The following NCAM2 variants were observed in gnomAD, a reference collection of about 807,000 sequenced individuals.
NCAM2 encodes neural cell adhesion molecule 2.
Under a neutral mutation model 98.1 loss-of-function variants are expected in NCAM2, and 30 were observed. That is an observed-to-expected ratio of 0.31 (90% CI 0.23 to 0.41). The LOEUF is 0.41. Ranked by LOEUF, NCAM2 falls within the 10% of genes least tolerant of loss-of-function variation. The probability of loss-of-function intolerance (pLI) is 1.00; values close to 1 mark genes in which losing one functional copy is unlikely to be tolerated. For synonymous variants in NCAM2, 368 were observed against 342.4 expected, an observed-to-expected ratio of 1.07 and a Z score of -0.83; for missense variants, 867 against 1,005.8, an observed-to-expected ratio of 0.86 and a Z score of 1.87.
intron 1 of NCAM2, among the ~76,000 whole-genome samples, chr21:21,253,866 CAG>C (rs1438578416): frequency 6.6e-6 from 1 of 152,138 alleles, no homozygotes; most frequent in Non-Finnish European, 1.5e-5. Context: ...ATTTCAGACA[CAG>C]AATTACTAGT....
chr21:21,391,571 C>A (rs1026073628), intron 9 of NCAM2, among the ~76,000 whole-genome samples: 3 of 152,106 alleles, frequency 2.0e-5, no homozygotes, highest in Admixed American at 2.0e-4. Flanking sequence ...TTAAAACATA[C>A]ATGACTAATT....
Position 21,419,347 on chromosome 21 carries a change from G to GT in NCAM2, c.1480+788dup, listed in dbSNP as rs1158605107. ...TTTTTGGATGTTAGGAACGGTCATG[G>GT]TTTTTTTTTTCGATTTTTTTTTATT... On this transcript the variant is annotated intron_variant, in intron 11 of 17. Transcript: ENST00000400546. Among the ~76,000 whole-genome samples the GT allele has an allele frequency of 2.9e-3, 356 of 122,732 alleles. 4 individuals carry two copies. The highest frequency in any genetic ancestry group is 9.8e-3 in the African/African-American group (324 of 32,942). The allele number at this position is 122,732 out of a possible 152,430, so 80.5% of individuals were successfully genotyped here. A position where few individuals can be genotyped will look rare whatever the true frequency, so the allele number is the denominator to read the frequency against.
chr21:21,439,178 G>A (rs2146071120), intron 12 of NCAM2, among the ~76,000 whole-genome samples: 1 of 151,674 alleles, frequency 6.6e-6, no homozygotes, highest in East Asian at 1.9e-4. Flanking sequence ...CATTGCAGCG[G>A]CACAATCATA....
intron 1 of NCAM2, among the ~76,000 whole-genome samples, chr21:21,116,474 C>T (rs1409638182): frequency 5.9e-5 from 9 of 152,258 alleles, no homozygotes; most frequent in Non-Finnish European, 8.8e-5. Context: ...CTTGATAGGA[C>T]GGCCTGTTTA....
intron 12 of NCAM2, among the ~76,000 whole-genome samples, chr21:21,446,991 C>T (rs112306552): frequency 0.012 from 1,800 of 152,078 alleles, 49 homozygotes; most frequent in African/African-American, 0.041. Flanking sequence ...GTAATTTCTA[C>T]TTTCAATGCT....
At position 21,426,944 on chromosome 21, in the gene NCAM2, G is replaced by C. The variant is rs1341465338; in HGVS notation, c.1481-5164G>C. On this transcript the variant is annotated intron_variant, in intron 11 of 17. Coordinates refer to ENST00000400546, the MANE Select transcript of NCAM2 (RefSeq NM_004540.5). ...TGTTAATAGAAAAATATCTAGGATA[G>C]GGTTTAAAACACCATTCTGAAATAA... 3.9e-5 allele frequency among the ~76,000 whole-genome samples: 6 copies of C among 152,276 alleles called. No individual in the cohort carries two copies. In the East Asian group the frequency reaches 9.7e-4, roughly 24 times the overall value.
At chr21:21,517,963 A>G (rs993398159) in intron 16 of NCAM2, among the ~76,000 whole-genome samples, 2 of 152,218 alleles carry the variant, frequency 1.3e-5, no homozygotes, top group African/African-American at 4.8e-5. Flanking sequence ...AATGAGCTTG[A>G]ATCCCAGTAC....
chr21:21,253,315 A>G (rs1460013595), intron 1 of NCAM2, among the ~76,000 whole-genome samples: 3 of 152,220 alleles, frequency 2.0e-5, no homozygotes, highest in African/African-American at 7.2e-5. Context: ...TTTACATGGT[A>G]GTTCCTCAGT....
chr21:21,323,461 A>C (rs1358233092), intron 5 of NCAM2, among the ~76,000 whole-genome samples: 1 of 152,148 alleles, frequency 6.6e-6, no homozygotes, highest in Non-Finnish European at 1.5e-5. Context: ...ACACTTGTAA[A>C]TGCCTGTCTG....
At chr21:21,239,053 G>T (rs9984306) in intron 1 of NCAM2, among the ~76,000 whole-genome samples, 1 of 146,370 alleles carries the variant, frequency 6.8e-6, no homozygotes, top group Non-Finnish European at 1.5e-5. Context: ...AGCAATAAAC[G>T]GGGGGTGGGG....
intron 1 of NCAM2, among the ~76,000 whole-genome samples, chr21:21,093,496 C>G (rs2066055983): frequency 6.6e-6 from 1 of 152,072 alleles, no homozygotes; most frequent in South Asian, 2.1e-4. Context: ...AATGTATTAA[C>G]AAATCAGGCA....
At chr21:21,117,596 C>A (rs1447321847) in intron 1 of NCAM2, among the ~76,000 whole-genome samples, 1 of 152,122 alleles carries the variant, frequency 6.6e-6, no homozygotes, top group African/African-American at 2.4e-5. Flanking sequence ...TTTGCAATAA[C>A]ATTAATGAAC....
chr21:21,222,727 G>A (rs1344449127), intron 1 of NCAM2, among the ~76,000 whole-genome samples: 1 of 152,176 alleles, frequency 6.6e-6, no homozygotes, highest in Non-Finnish European at 1.5e-5. Flanking sequence ...AAGATGCTAT[G>A]AACATTGTTG....
chr21:21,038,325 A>G (rs2064837714), intron 1 of NCAM2, among the ~76,000 whole-genome samples: 1 of 152,240 alleles, frequency 6.6e-6, no homozygotes, highest in African/African-American at 2.4e-5. Context: ...CTATGAAAGA[A>G]AAAACATATT....
chr21:21,465,150 A>G (rs1391531113), intron 12 of NCAM2, among the ~76,000 whole-genome samples: 2 of 152,098 alleles, frequency 1.3e-5, no homozygotes, highest in Non-Finnish European at 2.9e-5. Flanking sequence ...TCTGGTTGAT[A>G]TGTGTGTTGT....
chr21:21,127,821 T>A (rs1253756189), intron 1 of NCAM2, among the ~76,000 whole-genome samples: 2 of 152,170 alleles, frequency 1.3e-5, no homozygotes, highest in Non-Finnish European at 2.9e-5. Flanking sequence ...ATTGTGTATA[T>A]ATACGTATAT....
intron 1 of NCAM2, among the ~76,000 whole-genome samples, chr21:21,116,016 TG>T (rs2066550336): frequency 5.7e-4 from 2 of 3,484 alleles, no homozygotes; most frequent in African/African-American, 8.7e-4. Flanking sequence ...ATGCTGAGAT[TG>T]TGTGTGTGTG....
Position 21,045,851 on chromosome 21 carries a change from G to GT in NCAM2, c.55+47234dup, listed in dbSNP as rs2064998579. ...CCTTCTATCTTAGATATCTTGGGAA[G>GT]TGTTGCTGTCTTTCAAGACTATTCT... On this transcript the variant is annotated intron_variant, in intron 1 of 17. Coordinates refer to ENST00000400546, the MANE Select transcript of NCAM2 (RefSeq NM_004540.5). Among the ~76,000 whole-genome samples the GT allele has an allele frequency of 2.6e-5, 4 of 152,292 alleles. No individual in the cohort carries two copies. The South Asian group carries it at 8.3e-4, about 32-fold the overall frequency.
chr21:21,413,391 A>G (rs1182228149), intron 10 of NCAM2, among the ~76,000 whole-genome samples: 2 of 152,180 alleles, frequency 1.3e-5, no homozygotes, highest in Admixed American at 1.3e-4. Flanking sequence ...CTTGATTAAT[A>G]TTATACACTT....
Sources: gnomAD v4.1 joint callset for allele counts (sites outside exome capture counted in the v4.1 genomes callset) on GRCh38, gnomAD v4.1.1 for gene constraint, MANE v1.5 for transcripts, NCBI Gene and HGNC (gene_info 2026-07-23, HGNC 2026-07-21) for gene names.